ST6GALNAC3: variants seen among roughly 807,000 people sequenced by gnomAD.
The protein encoded by ST6GALNAC3 is alpha-N-acetylgalactosaminide alpha-2,6-sialyltransferase 3.
In ST6GALNAC3, 25 loss-of-function variants were observed where a neutral mutation model predicts 32.7. The ratio of observed to expected loss-of-function variants is 0.76; its 90% CI spans 0.56 to 1.07. The LOEUF (loss-of-function observed/expected upper bound fraction) is 1.07. Ranked by LOEUF, ST6GALNAC3 falls within the 50% of genes least tolerant of loss-of-function variation. The pLI is 0.00. For missense variants in ST6GALNAC3, 355 were observed against 382.4 expected (o/e 0.93, Z 0.60); for synonymous variants, 129 against 133.1 (o/e 0.97, Z 0.21).
intron 1 of ST6GALNAC3, among the ~76,000 whole-genome samples, chr1:76,108,837 A>G (rs1455258705): frequency 6.7e-6 from 1 of 150,068 alleles, no homozygotes; most frequent in Non-Finnish European, 1.5e-5. Context: ...TACCAGTGCA[A>G]TGAGTTCTGA....
Position 76,627,509 on chromosome 1 carries a change from C to T in ST6GALNAC3, c.681C>T (p.Asp227=), listed in dbSNP as rs1297794903. 10 of 1,612,576 alleles carry T rather than the reference C, an allele frequency of 6.2e-6. No individual in the cohort carries two copies. Among genetic ancestry groups the T allele is most frequent in the East Asian group, 2.2e-5 (1 of 44,858 alleles). The change falls in exon 4 of 5, where the codon GAC becomes GAT. Residue 227 remains aspartate, a synonymous_variant. Transcript: ENST00000328299. ...GGTTTACCTTCCTTCTGGCCATGGA[C>T]GCCTGTTATGGCATTCACGTCTACG... The part of the protein sequence containing the change: ...TGWFTFLLAM[D]ACYGIHVYGM...
At chr1:76,106,278 T>A (rs901162389) in intron 1 of ST6GALNAC3, among the ~76,000 whole-genome samples, 2 of 152,224 alleles carry the variant, frequency 1.3e-5, no homozygotes, top group Admixed American at 6.5e-5. Flanking sequence ...TTATAACAGA[T>A]CCTTGTCTTG....
chr1:76,528,630 G>T (rs1004171398), intron 3 of ST6GALNAC3, among the ~76,000 whole-genome samples: 1 of 151,400 alleles, frequency 6.6e-6, no homozygotes, highest in African/African-American at 2.4e-5. Flanking sequence ...TTTGTGGCTC[G>T]AAAGCATCTT....
In ST6GALNAC3 at chr1:76,478,760, C is replaced by CTTTTTTT. The variant is rs397861238; in HGVS notation, c.623+66357_623+66363dup. On this transcript the variant is annotated intron_variant, in intron 3 of 4. Coordinates refer to ENST00000328299, the MANE Select transcript of ST6GALNAC3 (RefSeq NM_152996.4). ...TATTCCTTCCCCTAGTTTATTAATT[C>CTTTTTTT]TTTTTTTTTTTTTTTTTTTTGAGAT... 2.2e-3 allele frequency among the ~76,000 whole-genome samples: 242 copies of CTTTTTTT among 109,048 alleles called. 2 individuals are homozygous for CTTTTTTT. The highest frequency in any genetic ancestry group is 2.9e-3 in the Non-Finnish European group (163 of 55,610). 71.5% of individuals were successfully genotyped at this position (109,048 alleles called of 152,430 possible).
chr1:76,188,402 AATGATT>A (rs1172219123), intron 1 of ST6GALNAC3, among the ~76,000 whole-genome samples: 1 of 152,180 alleles, frequency 6.6e-6, no homozygotes, highest in Non-Finnish European at 1.5e-5. Context: ...TAAGGGTGAA[AATGATT>A]ATTATAGTGT....
chr1:76,595,373 G>T (rs1476631638), intron 3 of ST6GALNAC3, among the ~76,000 whole-genome samples: 1 of 152,026 alleles, frequency 6.6e-6, no homozygotes, highest in Non-Finnish European at 1.5e-5. Flanking sequence ...CTGCCTCAGG[G>T]TAAGAGAACA....
chr1:76,482,358 C>T (rs1381582322), intron 3 of ST6GALNAC3, among the ~76,000 whole-genome samples: 3 of 152,106 alleles, frequency 2.0e-5, no homozygotes, highest in East Asian at 1.9e-4. Context: ...TTCACATACC[C>T]GTATTAAGTG....
At chr1:76,231,903 G>A (rs1163570897) in intron 1 of ST6GALNAC3, among the ~76,000 whole-genome samples, 1 of 152,146 alleles carries the variant, frequency 6.6e-6, no homozygotes, top group Non-Finnish European at 1.5e-5. Flanking sequence ...TTAACTTTTT[G>A]AAGTGTTGTT....
At chr1:76,490,443 CTTATATG>C (rs1411050429) in intron 3 of ST6GALNAC3, among the ~76,000 whole-genome samples, 1 of 148,694 alleles carries the variant, frequency 6.7e-6, no homozygotes, top group Non-Finnish European at 1.5e-5. Flanking sequence ...ATGATATATA[CTTATATG>C]TTATATATTA....
rs75224238 is a variant in ST6GALNAC3, at chr1:76,343,219, G to A, written c.213+29220G>A. ...TCTCTATTTTTTTGATAAAATAAAT[G>A]CCTACATTTTGCAGAACTGAAATAT... On this transcript the variant is annotated intron_variant, in intron 2 of 4. Coordinates refer to ENST00000328299, the MANE Select transcript of ST6GALNAC3 (RefSeq NM_152996.4). Among the ~76,000 whole-genome samples, 1,141 of 152,128 alleles carry A rather than the reference G, an allele frequency of 7.5e-3. 10 individuals are homozygous for A. The highest frequency in any genetic ancestry group is 0.027 in the African/African-American group (1,106 of 41,492).
intron 1 of ST6GALNAC3, among the ~76,000 whole-genome samples, chr1:76,139,730 A>G (rs1650199347): frequency 6.6e-6 from 1 of 152,200 alleles, no homozygotes; most frequent in African/African-American, 2.4e-5. Flanking sequence ...CTAAGAGTCC[A>G]GGGCCTGGTT....
intron 3 of ST6GALNAC3, among the ~76,000 whole-genome samples, chr1:76,463,721 C>T (rs184418281): frequency 7.9e-5 from 12 of 152,222 alleles, no homozygotes; most frequent in African/African-American, 2.9e-4. Flanking sequence ...CTTGGGTCTA[C>T]GGGTAGACTG....
chr1:76,372,134 C>T (rs2101083154), intron 2 of ST6GALNAC3, among the ~76,000 whole-genome samples: 1 of 152,244 alleles, frequency 6.6e-6, no homozygotes, highest in Non-Finnish European at 1.5e-5. Context: ...CGAGTGTGTC[C>T]TTGTTCCATA....
At chr1:76,380,359 C>T (rs951349788) in intron 2 of ST6GALNAC3, among the ~76,000 whole-genome samples, 9 of 152,166 alleles carry the variant, frequency 5.9e-5, no homozygotes, top group Admixed American at 4.6e-4. Context: ...ATGACAGTGC[C>T]GGTGTGAGTG....
At chr1:76,261,867 C>T (rs551748724) in intron 1 of ST6GALNAC3, among the ~76,000 whole-genome samples, 4 of 152,270 alleles carry the variant, frequency 2.6e-5, no homozygotes, top group East Asian at 1.9e-4. Context: ...CGGTATTTTT[C>T]GTTTCCTTTC....
intron 3 of ST6GALNAC3, among the ~76,000 whole-genome samples, chr1:76,457,087 T>G (rs1388565543): frequency 6.6e-6 from 1 of 151,818 alleles, no homozygotes; most frequent in African/African-American, 2.4e-5. Context: ...AAATCATGAG[T>G]GAACTCCCAT....
At chr1:76,466,474 G>C (rs1658638842) in intron 3 of ST6GALNAC3, among the ~76,000 whole-genome samples, 1 of 152,020 alleles carries the variant, frequency 6.6e-6, no homozygotes, top group African/African-American at 2.4e-5. Context: ...TGTCAAATTA[G>C]AAAGCATTTT....
chr1:76,577,265 TG>T (rs1646826041), intron 3 of ST6GALNAC3: 4 of 991,772 alleles, frequency 4.0e-6, no homozygotes, highest in Non-Finnish European at 4.8e-6. Context: ...GAGAGCTTTC[TG>T]ATTTCTCCAA....
chr1:76,359,917 C>A (rs1419563803), intron 2 of ST6GALNAC3, among the ~76,000 whole-genome samples: 2 of 152,110 alleles, frequency 1.3e-5, no homozygotes, highest in Admixed American at 6.5e-5. Context: ...TGATGACTCC[C>A]AAACATACAT....
Sources: allele counts gnomAD v4.1 joint callset (sites outside exome capture counted in the v4.1 genomes callset), GRCh38; gene constraint gnomAD v4.1.1; transcripts MANE v1.5; gene names NCBI Gene and HGNC (gene_info 2026-07-23, HGNC 2026-07-21).